Variants in FGF13 observed in about 807,000 individuals in gnomAD.
The protein encoded by FGF13 is fibroblast growth factor homologous factor 2.
Under a neutral mutation model 19.5 loss-of-function variants are expected in FGF13, and 2 were observed. The observed-to-expected ratio is 0.10, with a 90% CI of 0.04 to 0.32. FGF13 has a LOEUF of 0.32. FGF13 is among the 10% of genes least tolerant of loss of function. The pLI, the probability that FGF13 is intolerant of heterozygous loss-of-function variation, is 1.00. For synonymous variants in FGF13, 72 were observed against 76.9 expected (o/e 0.94, Z 0.33); for missense variants, 113 against 192.7 (o/e 0.59, Z 2.45).
intron 1 of FGF13, among the ~76,000 whole-genome samples, chrX:138,905,834 C>T (rs1356770541): frequency 9.0e-6 from 1 of 111,311 alleles, no homozygotes; most frequent in African/African-American, 3.3e-5. Context: ...AGGAAGAAAC[C>T]ACCATTCTCT....
intron 3 of FGF13, among the ~76,000 whole-genome samples, chrX:138,746,597 G>A (rs2090358641): frequency 9.0e-6 from 1 of 111,535 alleles, no homozygotes; most frequent in South Asian, 3.8e-4. Flanking sequence ...GAGAAAAGTA[G>A]TGAAAAGCAG....
Position 138,614,993 on chromosome X carries a change from G to A in FGF13, c.*17857C>T, listed in dbSNP as rs776636441. 2.4e-4 allele frequency: 27 copies of A among 112,021 alleles called. No homozygotes were observed. Among genetic ancestry groups the A allele is most frequent in the African/African-American group, 8.1e-4 (25 of 30,843 alleles). 9.2% of individuals were successfully genotyped at this position (112,021 alleles called of 1,213,427 possible). On this transcript the variant is annotated 3_prime_UTR_variant, in exon 5 of 5. Coordinates refer to ENST00000315930, the MANE Select transcript of FGF13 (RefSeq NM_004114.5). ...AATTCTGAAATAATAAAATTATAAG[G>A]ATGAAGAACAGATTAGTGTTTACTA...
intron 1 of FGF13, among the ~76,000 whole-genome samples, chrX:139,041,766 C>T (rs1280336469): frequency 8.9e-6 from 1 of 111,797 alleles, no homozygotes; most frequent in Non-Finnish European, 1.9e-5. Flanking sequence ...ACATTAACCA[C>T]ACCAACTTGA....
intron 1 of FGF13, among the ~76,000 whole-genome samples, chrX:138,908,071 CTTT>C (rs757824173): frequency 4.9e-4 from 29 of 58,965 alleles, no homozygotes; most frequent in African/African-American, 1.5e-3. Context: ...TAATCATTTT[CTTT>C]TTTTTTTTTT....
rs1473654891 is a variant in FGF13 at position 138,865,464 on chromosome X, TCTCTCTCTC to T, written c.-112-823_-112-815del. 9.0e-3 allele frequency among the ~76,000 whole-genome samples: 809 copies of T among 89,507 alleles called. 5 individuals are homozygous for T. The highest frequency in any genetic ancestry group is 0.04 in the African/African-American group (761 of 19,023). 77.7% of individuals were successfully genotyped at this position (89,507 alleles called of 115,157 possible). On this transcript the variant is annotated intron_variant, in intron 1 of 2. Coordinates refer to the FGF13 transcript ENST00000421460. Reference sequence around the variant, plus strand: ...TCTCTCTCTCTCCTCTCTCTCTCTCTCTCTCTCTCCTCTCTCTCTCTCCTCTCTCTCTCC... The same window carrying T: ...TCTCTCTCTCTCCTCTCTCTCTCTCTCTCTCTCTCTCTCCTCTCTCTCTCC...
chrX:138,952,547 C>T lies in FGF13; in HGVS notation c.-112-87897G>A, dbSNP rs1380325713. ...GACTTCATGTCTAAAACACCAAAAG[C>T]AATGGCAACACAAGCCAAAATTGAC... is the stretch of plus-strand genomic sequence containing the variant. On this transcript the variant is annotated intron_variant, in intron 1 of 2. Transcript: ENST00000421460. Among the ~76,000 whole-genome samples the T allele has an allele frequency of 2.7e-5, 3 of 111,536 alleles. No homozygotes were observed. The Admixed American group carries it at 2.9e-4, about 11-fold the overall frequency.
chrX:139,058,574 G>T (rs12556549), intron 1 of FGF13, among the ~76,000 whole-genome samples: 11,727 of 110,938 alleles, frequency 0.11, 489 homozygotes, highest in South Asian at 0.19. Context: ...TCAGTTGTTA[G>T]AATTGACCAT....
chrX:139,202,458 C>A (rs956124834), intron 1 of FGF13, among the ~76,000 whole-genome samples: 4 of 111,839 alleles, frequency 3.6e-5, no homozygotes, highest in African/African-American at 1.3e-4. Flanking sequence ...CTACAGCTGT[C>A]GTTCTACTTT....
intron 1 of FGF13, among the ~76,000 whole-genome samples, chrX:138,898,790 C>T (rs575797138): frequency 3.6e-5 from 4 of 111,650 alleles, no homozygotes; most frequent in African/African-American, 6.5e-5. Context: ...AGAGAATTTG[C>T]GTCATCTGCC....
intron 1 of FGF13, among the ~76,000 whole-genome samples, chrX:138,891,653 A>T (rs2091477584): frequency 9.0e-6 from 1 of 111,471 alleles, no homozygotes; most frequent in Non-Finnish European, 1.9e-5. Flanking sequence ...AAGGATACAA[A>T]GTATTGATCC....
At chrX:138,672,889 G>A (rs1029769418) in intron 3 of FGF13, among the ~76,000 whole-genome samples, 10 of 111,718 alleles carry the variant, frequency 9.0e-5, no homozygotes, top group Non-Finnish European at 1.7e-4. Context: ...AAAGCTAAGC[G>A]AGTGTGGTGT....
upstream of FGF13, among the ~76,000 whole-genome samples, chrX:138,740,444 G>A (rs1378748919): frequency 8.9e-6 from 1 of 111,753 alleles, no homozygotes; most frequent in Non-Finnish European, 1.9e-5. Flanking sequence ...AATCAAAATT[G>A]CCTTGTGCTC....
intron 1 of FGF13, among the ~76,000 whole-genome samples, chrX:138,951,686 A>C (rs2091813544): frequency 9.0e-6 from 1 of 111,596 alleles, no homozygotes; most frequent in East Asian, 2.8e-4. Context: ...CCACAATAAT[A>C]CAGCAACATA....
rs2091548302 is a variant in FGF13 at position 138,904,655 on chromosome X, A to G, written c.-112-40005T>C. Among the ~76,000 whole-genome samples, 3 of 111,647 alleles carry G rather than the reference A, an allele frequency of 2.7e-5. No individual in the cohort carries two copies. The South Asian group carries it at 1.1e-3, about 42-fold the overall frequency. ...ATCCTCCTAGGCCTTACCCTGAGAC[A>G]TTCTAAGTTGCTTGGCCTGTGGTAG... On this transcript the variant is annotated intron_variant, in intron 1 of 2. Transcript: ENST00000421460.
intron 1 of FGF13, among the ~76,000 whole-genome samples, chrX:139,093,797 A>AC (rs34927158): frequency 2.7e-5 from 3 of 111,181 alleles, no homozygotes; most frequent in Admixed American, 9.6e-5. Flanking sequence ...CTGTCACAAC[A>AC]CCCCCCATAT....
chrX:138,801,816 C>T (rs1227110146), intron 3 of FGF13, among the ~76,000 whole-genome samples: 1 of 112,450 alleles, frequency 8.9e-6, no homozygotes, highest in Non-Finnish European at 1.9e-5. Flanking sequence ...AGTCTGTCCA[C>T]AGCTGCTTTG....
At chrX:138,710,187 G>T (rs1166537382) in intron 1 of FGF13, among the ~76,000 whole-genome samples, 1 of 110,399 alleles carries the variant, frequency 9.1e-6, no homozygotes, top group African/African-American at 3.3e-5. Context: ...TTAGTAGCAT[G>T]TAACCGATTA....
chrX:138,990,456 A>G (rs2092010781), intron 1 of FGF13: 1 of 110,553 alleles, frequency 9.0e-6, no homozygotes, highest in African/African-American at 3.3e-5. Context: ...GTTGATAAAG[A>G]CATACCCGAG....
At chrX:138,865,422 C>CCTCTCTCTCTT (rs1221233103) in intron 1 of FGF13, among the ~76,000 whole-genome samples, 1 of 103,088 alleles carries the variant, frequency 9.7e-6, no homozygotes, top group Non-Finnish European at 2.0e-5. Flanking sequence ...AGTGAAAATT[C>CCTCTCTCTCTT]CTCTCTCTCT....
Sources: gnomAD v4.1 joint callset for allele counts (sites outside exome capture counted in the v4.1 genomes callset) on GRCh38, gnomAD v4.1.1 for gene constraint, MANE v1.5 for transcripts, NCBI Gene and HGNC (gene_info 2026-07-23, HGNC 2026-07-21) for gene names.